The following FANCB variants were observed in gnomAD, a reference collection of about 807,000 sequenced individuals.
FANCB encodes the protein FA complementation group B, also known as Fanconi anemia group B protein.
A neutral mutation model predicts 38.9 loss-of-function variants in FANCB; 5 were observed. The ratio of observed to expected loss-of-function variants is 0.13; its 90% CI spans 0.07 to 0.27. FANCB has a LOEUF of 0.27. FANCB is among the 10% of genes least tolerant of loss of function. The pLI is 1.00. For synonymous variants in FANCB, 236 were observed against 215.4 expected (o/e 1.10, Z -0.84); for missense variants, 573 against 602.7 (o/e 0.95, Z 0.52).
At chrX:14,762,472 C>T in the FANCB span, among the ~76,000 whole-genome samples, 3 of 111,471 alleles carry the variant, frequency 2.7e-5, no homozygotes, top group African/African-American at 9.8e-5. Flanking sequence ...ATGCTACTAC[C>T]TTGGCAACTA....
At chrX:14,713,744 C>T in the FANCB span, among the ~76,000 whole-genome samples, 2 of 111,062 alleles carry the variant, frequency 1.8e-5, no homozygotes, top group Admixed American at 1.9e-4. Flanking sequence ...TAGCCCTTTA[C>T]AGAAAATGTT....
At chrX:14,695,330 T>G in the FANCB span, among the ~76,000 whole-genome samples, 1 of 111,368 alleles carries the variant, frequency 9.0e-6, no homozygotes, top group South Asian at 3.8e-4. Flanking sequence ...TGTGTGCTCA[T>G]GGGGGGATAT....
chrX:14,758,330 G>A, the FANCB span, among the ~76,000 whole-genome samples: 1 of 111,698 alleles, frequency 9.0e-6, no homozygotes, highest in South Asian at 3.7e-4. Flanking sequence ...GGAGCTCTAG[G>A]GCTCCACCCA....
At chrX:14,789,035 C>T in the FANCB span, among the ~76,000 whole-genome samples, 2 of 111,844 alleles carry the variant, frequency 1.8e-5, no homozygotes, top group Non-Finnish European at 3.8e-5. Flanking sequence ...AGAGTCAGGT[C>T]CTATCCTATG....
intron 2 of FANCB, among the ~76,000 whole-genome samples, chrX:14,867,443 A>C (rs748856287): frequency 7.4e-5 from 8 of 108,807 alleles, no homozygotes; most frequent in African/African-American, 2.8e-4. Flanking sequence ...CCAACAACCA[A>C]CTAATTTTTG....
At chrX:14,760,450 T>C in the FANCB span, among the ~76,000 whole-genome samples, 5 of 111,386 alleles carry the variant, frequency 4.5e-5, no homozygotes, top group African/African-American at 9.8e-5. Flanking sequence ...TTCAAAGTCA[T>C]AGTTAGGAGA....
chrX:14,860,148 C>T lies in FANCB; in HGVS notation c.952-814G>A, dbSNP rs888932676. Among the ~76,000 whole-genome samples the T allele has an allele frequency of 3.6e-5, 4 of 111,357 alleles. No homozygotes were observed. In the East Asian group the frequency reaches 1.1e-3, roughly 31 times the overall value. On this transcript the variant is annotated intron_variant, in intron 3 of 9. Coordinates refer to ENST00000650831, the MANE Select transcript of FANCB (RefSeq NM_001018113.3). ...AAACTAACACCATGAGGATCAAATC[C>T]CCCTTTTCCCTGAGACAAAAAATCT...
At chrX:14,808,061 A>G in the FANCB span, among the ~76,000 whole-genome samples, 3 of 111,854 alleles carry the variant, frequency 2.7e-5, no homozygotes, top group Admixed American at 9.5e-5. Context: ...TAACAATATC[A>G]AAGCTGTAAT....
At chrX:14,824,048 A>G in the FANCB span, among the ~76,000 whole-genome samples, 2 of 111,732 alleles carry the variant, frequency 1.8e-5, no homozygotes, top group African/African-American at 6.5e-5. Context: ...TACAGAAAGC[A>G]TGCAGTTTAT....
chrX:14,804,523 T>C, the FANCB span, among the ~76,000 whole-genome samples: 1 of 111,341 alleles, frequency 9.0e-6, no homozygotes, highest in African/African-American at 3.3e-5. Context: ...TTTGGAGATA[T>C]ACCTAATGTT....
chrX:14,836,077 T>C (rs1467211676), exon 11 of FANCB: 1 of 112,315 alleles, frequency 8.9e-6, no homozygotes, highest in Non-Finnish European at 1.9e-5. Context: ...TACAATGGAA[T>C]ACTATGCAGC....
downstream of FANCB, among the ~76,000 whole-genome samples, chrX:14,839,300 AAAC>A (rs199956382): frequency 7.9e-4 from 87 of 110,208 alleles, no homozygotes; most frequent in Non-Finnish European, 1.1e-3. Context: ...TCAAAAACAA[AAAC>A]AACAACAACA....
At chrX:14,808,492 A>C in the FANCB span, among the ~76,000 whole-genome samples, 1 of 112,186 alleles carries the variant, frequency 8.9e-6, no homozygotes, top group East Asian at 2.8e-4. Flanking sequence ...ATGCTAAAAA[A>C]GCATTTGATA....
chrX:14,697,961 C>T, the FANCB span, among the ~76,000 whole-genome samples: 1 of 111,249 alleles, frequency 9.0e-6, no homozygotes, highest in Non-Finnish European at 1.9e-5. Flanking sequence ...TCTGTCAGTG[C>T]CACTTGCCAC....
chrX:14,696,673 A>G, the FANCB span, among the ~76,000 whole-genome samples: 30 of 112,062 alleles, frequency 2.7e-4, no homozygotes, highest in Non-Finnish European at 5.3e-4. Context: ...AGTGAAGTCT[A>G]ATGACCTGAG....
At chrX:14,713,735 A>G in the FANCB span, among the ~76,000 whole-genome samples, 28 of 111,317 alleles carry the variant, frequency 2.5e-4, no homozygotes, top group South Asian at 9.5e-3. Flanking sequence ...TTGACTATCT[A>G]GCCCTTTACA....
chrX:14,736,730 A>AT, the FANCB span, among the ~76,000 whole-genome samples: 3 of 111,941 alleles, frequency 2.7e-5, no homozygotes, highest in African/African-American at 9.7e-5. Context: ...GATAACTTGG[A>AT]TTTTCGTATC....
the FANCB span, among the ~76,000 whole-genome samples, chrX:14,763,088 C>T: frequency 1.8e-5 from 2 of 111,437 alleles, no homozygotes; most frequent in Non-Finnish European, 3.8e-5. Context: ...TAGGCTGGTG[C>T]TAGATTGCTT....
chrX:14,826,846 T>A, the FANCB span, among the ~76,000 whole-genome samples: 1 of 112,100 alleles, frequency 8.9e-6, no homozygotes, highest in Non-Finnish European at 1.9e-5. Context: ...GAGTCTTCCC[T>A]ACTCTAAGTT....
Sources: gnomAD v4.1 joint callset for allele counts (sites outside exome capture counted in the v4.1 genomes callset) on GRCh38, gnomAD v4.1.1 for gene constraint, MANE v1.5 for transcripts, NCBI Gene and HGNC (gene_info 2026-07-23, HGNC 2026-07-21) for gene names.